Variants in PLXDC2 observed in about 807,000 individuals in gnomAD.
PLXDC2 encodes plexin domain-containing protein 2.
A neutral mutation model predicts 68.9 loss-of-function variants in PLXDC2; 40 were observed. The ratio of observed to expected loss-of-function variants is 0.58; its 90% CI spans 0.45 to 0.76. PLXDC2 has a LOEUF of 0.76. PLXDC2 is among the 30% of genes least tolerant of loss of function. The probability of loss-of-function intolerance (pLI) is 0.00; values close to 1 mark genes in which losing one functional copy is unlikely to be tolerated. For missense variants in PLXDC2, 644 were observed against 661.9 expected (o/e 0.97, Z 0.30); for synonymous variants, 243 against 234.2 (o/e 1.04, Z -0.34).
At chr10:20,174,881 A>G (rs911919113) in intron 7 of PLXDC2, among the ~76,000 whole-genome samples, 1 of 152,162 alleles carries the variant, frequency 6.6e-6, no homozygotes. Context: ...TCGGATGAGT[A>G]GGTATCTTCC....
intron 4 of PLXDC2, among the ~76,000 whole-genome samples, chr10:20,079,085 A>C (rs1328126673): frequency 6.6e-6 from 1 of 152,186 alleles, no homozygotes; most frequent in East Asian, 1.9e-4. Context: ...AATTCATGGC[A>C]TTTAAACACC....
intron 2 of PLXDC2, among the ~76,000 whole-genome samples, chr10:20,032,152 G>T (rs1350480157): frequency 1.3e-5 from 2 of 152,064 alleles, no homozygotes; most frequent in Admixed American, 6.6e-5. Flanking sequence ...TTCAGTGGAG[G>T]TGAAAGAAGA....
chr10:20,145,726 A>AT (rs909014826), intron 5 of PLXDC2, among the ~76,000 whole-genome samples: 5 of 151,234 alleles, frequency 3.3e-5, no homozygotes, highest in Admixed American at 2.0e-4. Context: ...ATTTTTTAAT[A>AT]TTTTTTTTAG....
At chr10:20,024,762 C>A (rs546080772) in intron 2 of PLXDC2, among the ~76,000 whole-genome samples, 19 of 152,094 alleles carry the variant, frequency 1.2e-4, no homozygotes, top group African/African-American at 4.3e-4. Flanking sequence ...TTTTTGCCTT[C>A]TTTAGGTCTA....
chr10:19,900,981 ATGTGTGTGTGTG>A (rs71388879), intron 1 of PLXDC2, among the ~76,000 whole-genome samples: 26 of 144,556 alleles, frequency 1.8e-4, no homozygotes, highest in African/African-American at 3.3e-4. Flanking sequence ...TATATGTGTG[ATGTGTGTGTGTG>A]TGTGTGTGTG....
intron 1 of PLXDC2, among the ~76,000 whole-genome samples, chr10:19,982,137 A>C (rs910530963): frequency 2.6e-5 from 4 of 152,252 alleles, no homozygotes; most frequent in African/African-American, 9.6e-5. Flanking sequence ...TTCCCCAAAG[A>C]GTAAATGCAT....
At chr10:19,857,388 A>G (rs1837234336) in intron 1 of PLXDC2, among the ~76,000 whole-genome samples, 1 of 152,316 alleles carries the variant, frequency 6.6e-6, no homozygotes. Flanking sequence ...AACTGAACCC[A>G]ATCAACTGAG....
chr10:20,262,986 C>T (rs61375109), intron 13 of PLXDC2, among the ~76,000 whole-genome samples: 35,084 of 152,150 alleles, frequency 0.23, 4,116 homozygotes, highest in East Asian at 0.26. Flanking sequence ...AGTGGAACTG[C>T]CCTTGCCACC....
chr10:20,128,518 T>C (rs931856443), intron 4 of PLXDC2, among the ~76,000 whole-genome samples: 1 of 152,192 alleles, frequency 6.6e-6, no homozygotes, highest in African/African-American at 2.4e-5. Flanking sequence ...TAAGAACACG[T>C]AAGATCTATT....
chr10:20,015,338 TTGTA>T (rs1254864380), intron 2 of PLXDC2, among the ~76,000 whole-genome samples: 2 of 152,122 alleles, frequency 1.3e-5, no homozygotes, highest in East Asian at 3.9e-4. Context: ...ATTTGGCAAT[TTGTA>T]TGTGTGTGCA....
intron 1 of PLXDC2, among the ~76,000 whole-genome samples, chr10:19,839,903 C>T (rs530680526): frequency 2.0e-5 from 3 of 152,242 alleles, no homozygotes; most frequent in Admixed American, 6.5e-5. Flanking sequence ...TCTAAATAGC[C>T]ATTTAGATCT....
intron 2 of PLXDC2, among the ~76,000 whole-genome samples, chr10:20,038,460 T>C (rs1042334093): frequency 1.3e-5 from 2 of 152,050 alleles, no homozygotes; most frequent in African/African-American, 2.4e-5. Context: ...AGGAGACAGA[T>C]GGATTGAATT....
chr10:20,241,114 T>C (rs2119325889), intron 12 of PLXDC2, among the ~76,000 whole-genome samples: 1 of 129,094 alleles, frequency 7.7e-6, no homozygotes, highest in South Asian at 2.7e-4. Flanking sequence ...TCTTGACATC[T>C]AAAGCAGAAA....
At chr10:20,021,466 T>C (rs1835308343) in intron 2 of PLXDC2, among the ~76,000 whole-genome samples, 1 of 151,990 alleles carries the variant, frequency 6.6e-6, no homozygotes, top group Admixed American at 6.6e-5. Flanking sequence ...AGTGAGAAAA[T>C]TCTGTTTTAG....
chr10:20,115,864 TA>T (rs1833614608), intron 4 of PLXDC2, among the ~76,000 whole-genome samples: 1 of 152,208 alleles, frequency 6.6e-6, no homozygotes, highest in Admixed American at 6.5e-5. Context: ...TTATCCGGGA[TA>T]AATCCTACCT....
chr10:20,119,299 G>C (rs1406569423), intron 4 of PLXDC2, among the ~76,000 whole-genome samples: 1 of 151,902 alleles, frequency 6.6e-6, no homozygotes, highest in Non-Finnish European at 1.5e-5. Context: ...AGTCCGAAAA[G>C]AGAGTCAGCG....
chr10:19,837,323 A>G (rs965991852), intron 1 of PLXDC2, among the ~76,000 whole-genome samples: 1 of 152,044 alleles, frequency 6.6e-6, no homozygotes, highest in African/African-American at 2.4e-5. Context: ...ATCTTTCAGG[A>G]TAGATCATAC....
At chr10:20,163,275 C>G (rs1298722464) in intron 6 of PLXDC2, among the ~76,000 whole-genome samples, 1 of 152,100 alleles carries the variant, frequency 6.6e-6, no homozygotes, top group East Asian at 1.9e-4. Flanking sequence ...TTACTTGTTT[C>G]AAGATAATTC....
Position 20,282,424 on chromosome 10 carries a change from A to G in PLXDC2, c.*2605A>G, listed in dbSNP as rs1306390056. The G allele has an allele frequency of 6.6e-6, 1 of 152,214 alleles. No homozygotes were observed. The allele number at this position is 152,214 out of a possible 1,614,324, so 9.4% of individuals were successfully genotyped here. A position where few individuals can be genotyped will look rare whatever the true frequency, so the allele number is the denominator to read the frequency against. ...AAGGTGCAACTGTACATTACTTAATATACTATGAACATAATAGAATAACAA... is the reference window on the plus strand; with the variant it reads ...AAGGTGCAACTGTACATTACTTAATGTACTATGAACATAATAGAATAACAA... On this transcript the variant is annotated 3_prime_UTR_variant, in exon 14 of 14. Coordinates refer to ENST00000377252, the MANE Select transcript of PLXDC2 (RefSeq NM_032812.9).
Sources: allele counts gnomAD v4.1 joint callset (sites outside exome capture counted in the v4.1 genomes callset), GRCh38; gene constraint gnomAD v4.1.1; transcripts MANE v1.5; gene names NCBI Gene and HGNC (gene_info 2026-07-23, HGNC 2026-07-21).